The following CNTN1 variants were observed in gnomAD, a reference collection of about 807,000 sequenced individuals.
CNTN1 encodes contactin-1.
A neutral mutation model predicts 126.4 loss-of-function variants in CNTN1; 38 were observed. The observed-to-expected ratio is 0.30, with a 90% CI of 0.23 to 0.39. The LOEUF is 0.39. Ranked by LOEUF, CNTN1 falls within the 10% of genes least tolerant of loss-of-function variation. CNTN1 has a pLI of 1.00. For synonymous variants in CNTN1, 413 were observed against 422.6 expected, an observed-to-expected ratio of 0.98 and a Z score of 0.28; for missense variants, 1,009 against 1,248.4, an observed-to-expected ratio of 0.81 and a Z score of 2.89.
chr12:40,874,906 C>T (rs1943618723), intron 1 of CNTN1, among the ~76,000 whole-genome samples: 1 of 152,106 alleles, frequency 6.6e-6, no homozygotes, highest in East Asian at 1.9e-4. Flanking sequence ...CTATTATTAT[C>T]TACAATGTAC....
At chr12:40,794,386 C>T (rs1940331408) in intron 1 of CNTN1, among the ~76,000 whole-genome samples, 1 of 151,490 alleles carries the variant, frequency 6.6e-6, no homozygotes, top group African/African-American at 2.4e-5. Flanking sequence ...GCTGAATTGC[C>T]CAAGTTCCTG....
Position 40,906,381 on chromosome 12 carries a change from T to TTA in CNTN1, c.-76-1968_-76-1967dup, listed in dbSNP as rs1555177418. 3.9e-5 allele frequency among the ~76,000 whole-genome samples: 6 copies of TTA among 152,264 alleles called. No homozygotes were observed. The South Asian group carries it at 1.2e-3, about 32-fold the overall frequency. On this transcript the variant is annotated intron_variant, in intron 1 of 23. Transcript: ENST00000551295. ...TTAATAAAAATTTAAAATTTCAGGC[T>TTA]TATATATATTAAAAAGGAAAAATAT...
chr12:40,888,784 AG>A (rs1307393228), intron 1 of CNTN1, among the ~76,000 whole-genome samples: 1 of 152,254 alleles, frequency 6.6e-6, no homozygotes, highest in Non-Finnish European at 1.5e-5. Flanking sequence ...TAATAAACAG[AG>A]TTAAGAGTCT....
chr12:40,744,952 A>T (rs1592039787), intron 1 of CNTN1, among the ~76,000 whole-genome samples: 2 of 152,116 alleles, frequency 1.3e-5, no homozygotes, highest in African/African-American at 4.8e-5. Context: ...TCCTAAACAA[A>T]TGTTTCCTTA....
chr12:40,693,905 A>G (rs193026176), intron 1 of CNTN1, among the ~76,000 whole-genome samples: 61 of 151,786 alleles, frequency 4.0e-4, no homozygotes, highest in African/African-American at 1.4e-3. Flanking sequence ...TTCATATTTC[A>G]TGTTTTCAAT....
At chr12:40,906,692 T>TTTTTTTA (rs1944836243) in intron 1 of CNTN1, among the ~76,000 whole-genome samples, 1 of 147,390 alleles carries the variant, frequency 6.8e-6, no homozygotes, top group Non-Finnish European at 1.5e-5. Context: ...TTGTTTTTTT[T>TTTTTTTA]GAGATGGAGT....
chr12:41,040,263 C>T (rs1349396169), intron 23 of CNTN1, among the ~76,000 whole-genome samples: 10 of 152,018 alleles, frequency 6.6e-5, no homozygotes, highest in Admixed American at 2.0e-4. Flanking sequence ...TTGCTCAAAG[C>T]GATCAAGATT....
chr12:40,723,078 G>A lies in CNTN1; in HGVS notation c.-77+30486G>A, dbSNP rs370414842. The stretch of plus-strand genomic sequence containing the variant: ...TGAAATATTAATAATAAAAGTAGCC[G>A]CCATAGAGAGCTGTTAGAGGATGAC... On this transcript the variant is annotated intron_variant, in intron 1 of 23. Transcript: ENST00000551295. 3.3e-5 allele frequency among the ~76,000 whole-genome samples: 5 copies of A among 151,988 alleles called. No homozygotes were observed. In the East Asian group the frequency reaches 7.7e-4, roughly 23 times the overall value.
chr12:41,009,733 T>A (rs1330229167), intron 17 of CNTN1, among the ~76,000 whole-genome samples: 2 of 152,192 alleles, frequency 1.3e-5, no homozygotes, highest in Non-Finnish European at 2.9e-5. Context: ...TTTCCTAGCC[T>A]CTGGCTTCAG....
chr12:40,772,971 C>A (rs985146800), intron 1 of CNTN1, among the ~76,000 whole-genome samples: 1 of 151,534 alleles, frequency 6.6e-6, no homozygotes, highest in East Asian at 1.9e-4. Context: ...ATCGTGTGTG[C>A]GAATATATAT....
At chr12:41,038,659 G>A (rs1462867050) in intron 23 of CNTN1, among the ~76,000 whole-genome samples, 1 of 152,158 alleles carries the variant, frequency 6.6e-6, no homozygotes, top group African/African-American at 2.4e-5. Flanking sequence ...AGGTTCAAGA[G>A]AGCAACTTTC....
chr12:40,855,507 C>T (rs575744412), intron 1 of CNTN1, among the ~76,000 whole-genome samples: 2 of 151,780 alleles, frequency 1.3e-5, no homozygotes, highest in Non-Finnish European at 1.5e-5. Flanking sequence ...ATATCATATG[C>T]TCAAAAGTAT....
chr12:40,811,610 A>G (rs905853390), intron 1 of CNTN1, among the ~76,000 whole-genome samples: 1 of 151,880 alleles, frequency 6.6e-6, no homozygotes, highest in Non-Finnish European at 1.5e-5. Flanking sequence ...TAGATTTTCT[A>G]TTTCATAATT....
chr12:40,755,209 AAAAAAAAAAAAAAAAAAG>A (rs1938557997), intron 1 of CNTN1, among the ~76,000 whole-genome samples: 3 of 147,590 alleles, frequency 2.0e-5, no homozygotes, highest in African/African-American at 7.4e-5. Context: ...AAAAAAAAAA[AAAAAAAAAAAAAAAAAAG>A]AAGAAAAGAA....
intron 1 of CNTN1, among the ~76,000 whole-genome samples, chr12:40,700,865 T>TA (rs998553089): frequency 3.4e-4 from 51 of 151,522 alleles, no homozygotes; most frequent in African/African-American, 1.0e-3. Flanking sequence ...GTTGGGCATT[T>TA]AAAAAAAAAT....
At chr12:41,003,580 T>G (rs1948418108) in intron 17 of CNTN1, among the ~76,000 whole-genome samples, 1 of 69,630 alleles carries the variant, frequency 1.4e-5, no homozygotes, top group East Asian at 2.6e-4. Flanking sequence ...GGTCCTGGGC[T>G]TTTTTTTTTT....
intron 17 of CNTN1, among the ~76,000 whole-genome samples, chr12:41,002,745 G>A (rs1948397065): frequency 6.6e-6 from 1 of 151,906 alleles, no homozygotes; most frequent in Non-Finnish European, 1.5e-5. Context: ...TTTTAGTAGA[G>A]ATGGGGTTTC....
At chr12:40,744,970 G>A (rs971156279) in intron 1 of CNTN1, among the ~76,000 whole-genome samples, 4 of 151,968 alleles carry the variant, frequency 2.6e-5, no homozygotes. Flanking sequence ...TTACATGTTT[G>A]TGATTGGACT....
chr12:40,875,725 G>A (rs1943646748), intron 1 of CNTN1, among the ~76,000 whole-genome samples: 1 of 151,962 alleles, frequency 6.6e-6, no homozygotes, highest in African/African-American at 2.4e-5. Context: ...GTAGATCATG[G>A]TATGTAAGTA....
Sources: gnomAD v4.1 joint callset for allele counts (sites outside exome capture counted in the v4.1 genomes callset) on GRCh38, gnomAD v4.1.1 for gene constraint, MANE v1.5 for transcripts, NCBI Gene and HGNC (gene_info 2026-07-23, HGNC 2026-07-21) for gene names.